OLFM3: variants seen among roughly 807,000 people sequenced by gnomAD.
OLFM3 encodes noelin-3.
Under a neutral mutation model 48.6 loss-of-function variants are expected in OLFM3, and 20 were observed. The ratio of observed to expected loss-of-function variants is 0.41; its 90% CI spans 0.29 to 0.60. OLFM3 has a LOEUF of 0.60. Among genes scored for constraint, OLFM3 ranks in the 20% least tolerant of loss-of-function variants. The pLI, the probability that OLFM3 is intolerant of heterozygous loss-of-function variation, is 0.28. For synonymous variants in OLFM3, 222 were observed against 198.1 expected, an observed-to-expected ratio of 1.12 and a Z score of -1.01; for missense variants, 437 against 544.3, an observed-to-expected ratio of 0.80 and a Z score of 1.96.
chr1:101,811,229 T>C (rs1654032267), intron 4 of OLFM3, among the ~76,000 whole-genome samples: 1 of 152,042 alleles, frequency 6.6e-6, no homozygotes, highest in African/African-American at 2.4e-5. Context: ...GGAAACACAA[T>C]CTGTAAAAAT....
At chr1:101,848,410 T>G (rs983416257) in intron 1 of OLFM3, among the ~76,000 whole-genome samples, 2 of 152,134 alleles carry the variant, frequency 1.3e-5, no homozygotes, top group African/African-American at 2.4e-5. Context: ...ATATTTATAG[T>G]GTGTGTATAT....
At chr1:101,813,992 A>G (rs1654205318) in intron 4 of OLFM3, among the ~76,000 whole-genome samples, 1 of 152,192 alleles carries the variant, frequency 6.6e-6, no homozygotes, top group Admixed American at 6.5e-5. Flanking sequence ...CTTAAAACCC[A>G]AGGTAGGTAT....
chr1:101,868,670 A>G (rs529602098), intron 1 of OLFM3, among the ~76,000 whole-genome samples: 1 of 152,364 alleles, frequency 6.6e-6, no homozygotes, highest in East Asian at 1.9e-4. Flanking sequence ...TTAATCACCA[A>G]GACAATGGGG....
At position 101,945,263 on chromosome 1, in the gene OLFM3, C is replaced by T. The variant is rs1273080566; in HGVS notation, c.69+51485G>A. On this transcript the variant is annotated intron_variant, in intron 1 of 5. Transcript: ENST00000370103. ...CCAATGATGAAAACAACTCAAATGT[C>T]TATCAAAAGGTGAATGAATAAACGA... Among the ~76,000 whole-genome samples, 6 of 152,218 alleles carry T rather than the reference C, an allele frequency of 3.9e-5. No homozygotes were observed. In the East Asian group the frequency reaches 1.2e-3, roughly 29 times the overall value.
intron 3 of OLFM3, among the ~76,000 whole-genome samples, chr1:101,829,231 T>C (rs1162551178): frequency 6.6e-6 from 1 of 152,190 alleles, no homozygotes; most frequent in Non-Finnish European, 1.5e-5. Flanking sequence ...CATTTATCCA[T>C]AAGTTTCCTA....
At chr1:101,977,482 T>C (rs1660987211) in intron 1 of OLFM3, among the ~76,000 whole-genome samples, 1 of 152,114 alleles carries the variant, frequency 6.6e-6, no homozygotes, top group African/African-American at 2.4e-5. Flanking sequence ...GAACTGAACA[T>C]GTGCTCGGCA....
chr1:101,822,165 T>C (rs1654636238), intron 4 of OLFM3, among the ~76,000 whole-genome samples: 1 of 151,860 alleles, frequency 6.6e-6, no homozygotes. Flanking sequence ...AACAAACAAA[T>C]GGGGTTAAAA....
At chr1:101,806,245 C>A in intron 4 of OLFM3, 63 bp from the exon 5 acceptor site, 1 of 1,229,746 alleles carries the variant, frequency 8.1e-7, no homozygotes, top group South Asian at 1.2e-5. Context: ...TACGCATACT[C>A]ACACTAAGAG....
intron 1 of OLFM3, among the ~76,000 whole-genome samples, chr1:101,896,743 G>A (rs561759733): frequency 7.1e-6 from 1 of 141,354 alleles, no homozygotes; most frequent in Non-Finnish European, 1.5e-5. Flanking sequence ...CTTGTGATCC[G>A]CCCGCCTCGG....
intron 1 of OLFM3, among the ~76,000 whole-genome samples, chr1:101,921,233 A>AC (rs1557731127): frequency 6.6e-6 from 1 of 151,180 alleles, no homozygotes; most frequent in Non-Finnish European, 1.5e-5. Context: ...ACACACACAC[A>AC]AATATTCCTT....
chr1:101,944,478 C>A (rs1298998404), intron 1 of OLFM3, among the ~76,000 whole-genome samples: 3 of 152,128 alleles, frequency 2.0e-5, no homozygotes, highest in Admixed American at 6.6e-5. Context: ...TGGAGAAAAC[C>A]ATTCCTAACC....
intron 1 of OLFM3, among the ~76,000 whole-genome samples, chr1:101,870,936 T>C (rs1347105307): frequency 1.3e-5 from 2 of 151,862 alleles, no homozygotes; most frequent in African/African-American, 4.8e-5. Flanking sequence ...CTTGACTTTA[T>C]AACTCTTTTT....
At chr1:101,928,446 T>C (rs1659344412) in intron 1 of OLFM3, among the ~76,000 whole-genome samples, 2 of 152,154 alleles carry the variant, frequency 1.3e-5, no homozygotes, top group Non-Finnish European at 2.9e-5. Flanking sequence ...TCTACTTGTG[T>C]CTTCTTTTAC....
chr1:101,982,295 A>G (rs989211871), intron 1 of OLFM3, among the ~76,000 whole-genome samples: 8 of 152,254 alleles, frequency 5.3e-5, no homozygotes, highest in African/African-American at 1.9e-4. Context: ...CAATGAAATC[A>G]TGGAGACCTT....
Position 101,903,140 on chromosome 1 carries a change from G to A in OLFM3, c.70-66115C>T, listed in dbSNP as rs111248996. On this transcript the variant is annotated intron_variant, in intron 1 of 5. Transcript: ENST00000370103. The stretch of plus-strand genomic sequence containing the variant: ...AAGCATTATAGAAGGGCAGGGAAAA[G>A]AAAATTTCAAGGTGAGAGTTGTCAT... Among the ~76,000 whole-genome samples the A allele has an allele frequency of 2.4e-3, 370 of 152,148 alleles. 3 individuals carry two copies. Among genetic ancestry groups the A allele is most frequent in the African/African-American group, 8.5e-3 (355 of 41,532 alleles).
chr1:101,885,377 G>A (rs1657708730), intron 1 of OLFM3, among the ~76,000 whole-genome samples: 1 of 151,926 alleles, frequency 6.6e-6, no homozygotes, highest in African/African-American at 2.4e-5. Context: ...TATGATACGA[G>A]CACTGAAATA....
chr1:101,886,562 G>A (rs1037058709), intron 1 of OLFM3, among the ~76,000 whole-genome samples: 6 of 152,072 alleles, frequency 3.9e-5, no homozygotes, highest in African/African-American at 9.7e-5. Context: ...TAGCTTGGGG[G>A]AACCAGCCCC....
chr1:101,856,553 G>A (rs1656416778), intron 1 of OLFM3, among the ~76,000 whole-genome samples: 1 of 151,908 alleles, frequency 6.6e-6, no homozygotes, highest in African/African-American at 2.4e-5. Context: ...GTTGATAAAG[G>A]TTGTCTCTTG....
intron 1 of OLFM3, among the ~76,000 whole-genome samples, chr1:101,940,883 T>G (rs1286177329): frequency 6.6e-6 from 1 of 152,054 alleles, no homozygotes; most frequent in East Asian, 1.9e-4. Flanking sequence ...TATCTCACTA[T>G]CCAAGCCTAA....
Sources: allele counts gnomAD v4.1 joint callset (sites outside exome capture counted in the v4.1 genomes callset), GRCh38; gene constraint gnomAD v4.1.1; transcripts MANE v1.5; gene names NCBI Gene and HGNC (gene_info 2026-07-23, HGNC 2026-07-21).